Variants in TANC2 observed in about 807,000 individuals in gnomAD.
TANC2 encodes the protein tetratricopeptide repeat, ankyrin repeat and coiled-coil containing 2.
TANC2 carries 26 observed loss-of-function variants against 210.5 expected under a neutral mutation model. The ratio of observed to expected loss-of-function variants is 0.12; its 90% CI spans 0.09 to 0.17. The LOEUF (loss-of-function observed/expected upper bound fraction) is 0.17. Ranked by LOEUF, TANC2 falls within the 10% of genes least tolerant of loss-of-function variation. The pLI is 1.00. For synonymous variants in TANC2, 931 were observed against 967.1 expected, an observed-to-expected ratio of 0.96 and a Z score of 0.69; for missense variants, 2,129 against 2,608.9, an observed-to-expected ratio of 0.82 and a Z score of 4.01.
At chr17:63,225,073 T>C (rs2042294431) in intron 7 of TANC2, among the ~76,000 whole-genome samples, 1 of 152,266 alleles carries the variant, frequency 6.6e-6, no homozygotes, top group South Asian at 2.1e-4. Flanking sequence ...CACAGACCCA[T>C]TGAAAGAATT....
intron 9 of TANC2, among the ~76,000 whole-genome samples, chr17:63,307,445 A>C (rs2044957163): frequency 6.6e-6 from 1 of 152,214 alleles, no homozygotes. Context: ...GATGTAATCT[A>C]AAAATAATTA....
chr17:63,133,468 C>T (rs1372914592), intron 4 of TANC2, among the ~76,000 whole-genome samples: 9 of 144,146 alleles, frequency 6.2e-5, no homozygotes, highest in East Asian at 2.0e-4. Flanking sequence ...CCTGAAGTTT[C>T]GAAAAAGAAA....
chr17:63,416,884 T>G (rs1278660151), intron 26 of TANC2, among the ~76,000 whole-genome samples: 1 of 151,748 alleles, frequency 6.6e-6, no homozygotes, highest in African/African-American at 2.4e-5. Flanking sequence ...GCTCTTGGGG[T>G]CTCCTGTGAA....
At chr17:63,304,663 A>T (rs2146515761) in intron 9 of TANC2, among the ~76,000 whole-genome samples, 2 of 152,236 alleles carry the variant, frequency 1.3e-5, no homozygotes, top group South Asian at 4.1e-4. Context: ...GGCTCCCTGG[A>T]TTCCTCAGAA....
intron 9 of TANC2, among the ~76,000 whole-genome samples, chr17:63,274,293 C>A (rs1039984778): frequency 2.6e-5 from 4 of 151,422 alleles, no homozygotes; most frequent in East Asian, 1.9e-4. Flanking sequence ...CCCGGCCCAA[C>A]GGGGGAGAGG....
intron 25 of TANC2, 47 bp from the exon 26 acceptor site, chr17:63,415,481 T>C: frequency 6.2e-7 from 1 of 1,604,624 alleles, no homozygotes; most frequent in Non-Finnish European, 8.5e-7. Flanking sequence ...CTTCCTCAGC[T>C]GTTCAGCAGA....
intron 2 of TANC2, among the ~76,000 whole-genome samples, chr17:63,047,508 A>T (rs376402414): frequency 1.1e-4 from 17 of 152,250 alleles, no homozygotes; most frequent in African/African-American, 4.1e-4. Flanking sequence ...ATTCATTGAG[A>T]TGGGGAGCTC....
intron 2 of TANC2, among the ~76,000 whole-genome samples, chr17:63,060,344 G>T: frequency 6.6e-6 from 1 of 152,200 alleles, no homozygotes; most frequent in East Asian, 1.9e-4. Context: ...GTTTGGGCTG[G>T]GCGTGGTGGC....
Position 63,420,468 on chromosome 17 carries a change from T to A in TANC2, c.4738T>A (p.Ser1580Thr), listed in dbSNP as rs2048991437. 1 of 1,613,738 alleles carries A rather than the reference T, an allele frequency of 6.2e-7. No homozygotes were observed. The highest frequency in any genetic ancestry group is 1.3e-5 in the African/African-American group (1 of 74,870). ...TGCCCTTTCTCCAACTCATCAGAAC[T>A]CACATTACAGGCCTAGCCCACCACA... Residue 1580 changes from serine (S) to threonine (T), a missense_variant, in exon 28 of 28, where the codon TCA becomes ACA. Ser to Thr is a moderately conservative substitution (Grantham distance 58, BLOSUM62 1). Coordinates refer to ENST00000689528, the Ensembl canonical transcript of TANC2. The surrounding 1 kb of genome is among the most constrained non-coding windows in gnomAD (Gnocchi z 4.2).
intron 2 of TANC2, among the ~76,000 whole-genome samples, chr17:63,047,760 C>A (rs889128302): frequency 6.6e-6 from 1 of 151,978 alleles, no homozygotes; most frequent in South Asian, 2.1e-4. Context: ...AGGTTCATGA[C>A]GGAGACCCCT....
chr17:63,152,059 T>A (rs2145409030), intron 5 of TANC2: 1 of 152,290 alleles, frequency 6.6e-6, no homozygotes, highest in South Asian at 2.1e-4. Flanking sequence ...GCAACATCCT[T>A]TACACTCTCT....
chr17:63,313,141 C>T (rs529519874), intron 9 of TANC2, among the ~76,000 whole-genome samples: 1 of 152,278 alleles, frequency 6.6e-6, no homozygotes, highest in African/African-American at 2.4e-5. Flanking sequence ...TCTCTTTCTC[C>T]TCTTTCCATC....
At chr17:63,028,129 A>G (rs2034629951) in intron 2 of TANC2, among the ~76,000 whole-genome samples, 1 of 152,108 alleles carries the variant, frequency 6.6e-6, no homozygotes, top group Non-Finnish European at 1.5e-5. Flanking sequence ...ATGGAAAATA[A>G]GCTGGTCATG....
In TANC2 at chr17:63,141,379, T is replaced by TAAAAAAAAAAAAAAAAAA. The variant is rs71155970; in HGVS notation, c.323-9870_323-9853dup. On this transcript the variant is annotated intron_variant, in intron 4 of 27. Transcript: ENST00000689528. ...CAACATGCTAAAACCCCGTTTCTAC[T>TAAAAAAAAAAAAAAAAAA]AAAAAAAAAAAAAAAAAAAAAAAAA... is the stretch of plus-strand genomic sequence containing the variant. Among the ~76,000 whole-genome samples, 3 of 21,874 alleles carry TAAAAAAAAAAAAAAAAAA rather than the reference T, an allele frequency of 1.4e-4. 1 individual carries two copies. Among genetic ancestry groups the TAAAAAAAAAAAAAAAAAA allele is most frequent in the Non-Finnish European group, 2.5e-4 (3 of 12,084 alleles). 14.4% of individuals were successfully genotyped at this position (21,874 alleles called of 152,430 possible).
intron 12 of TANC2, among the ~76,000 whole-genome samples, chr17:63,346,239 C>G (rs541906312): frequency 1.3e-5 from 2 of 152,240 alleles, no homozygotes; most frequent in South Asian, 4.2e-4. Flanking sequence ...CACAAAGTAT[C>G]ACTAATTATA....
At chr17:63,132,440 T>C (rs1333508298) in intron 4 of TANC2, among the ~76,000 whole-genome samples, 2 of 152,172 alleles carry the variant, frequency 1.3e-5, no homozygotes, top group African/African-American at 2.4e-5. Flanking sequence ...AGGCAAACAG[T>C]ATCTCATGCC....
intron 9 of TANC2, among the ~76,000 whole-genome samples, chr17:63,302,035 A>C (rs992958306): frequency 6.6e-6 from 1 of 152,168 alleles, no homozygotes; most frequent in African/African-American, 2.4e-5. Context: ...TTCATTATTT[A>C]CCCAGGAGTC....
Position 63,333,344 on chromosome 17 carries a change from T to C in TANC2, c.1576-6757T>C, listed in dbSNP as rs564250128. On this transcript the variant is annotated intron_variant, in intron 11 of 27. Coordinates refer to ENST00000689528, the Ensembl canonical transcript of TANC2. Reference sequence around the variant, plus strand: ...AGAAATTAATTTTAACCATAATGGATGACCTTGAGAGAGGTTCAAGACTTC... The same window carrying C: ...AGAAATTAATTTTAACCATAATGGACGACCTTGAGAGAGGTTCAAGACTTC... Among the ~76,000 whole-genome samples the C allele has an allele frequency of 2.6e-5, 4 of 152,318 alleles. No individual in the cohort carries two copies. In the East Asian group the frequency reaches 7.7e-4, roughly 29 times the overall value.
At chr17:63,383,695 A>G (rs2047684662) in intron 15 of TANC2, among the ~76,000 whole-genome samples, 1 of 152,210 alleles carries the variant, frequency 6.6e-6, no homozygotes, top group Admixed American at 6.5e-5. Context: ...TTATGTGAAC[A>G]TAATTTTCAG....
Sources: allele counts gnomAD v4.1 joint callset (sites outside exome capture counted in the v4.1 genomes callset), GRCh38; gene constraint gnomAD v4.1.1; non-coding constraint Gnocchi (gnomAD v3.1); transcripts MANE v1.5; gene names NCBI Gene and HGNC (gene_info 2026-07-23, HGNC 2026-07-21).